The following MAD1L1 variants were observed in gnomAD, a reference collection of about 807,000 sequenced individuals.
The protein encoded by MAD1L1 is mitotic spindle assembly checkpoint protein MAD1.
MAD1L1 carries 95 observed loss-of-function variants against 96.9 expected under a neutral mutation model. The ratio of observed to expected loss-of-function variants is 0.98; its 90% CI spans 0.83 to 1.16. The LOEUF (loss-of-function observed/expected upper bound fraction) is 1.16. MAD1L1 is among the 50% of genes most tolerant of loss of function. The pLI, the probability that MAD1L1 is intolerant of heterozygous loss-of-function variation, is 0.00. For missense variants in MAD1L1, 1,007 were observed against 954.4 expected, an observed-to-expected ratio of 1.06 and a Z score of -0.73; for synonymous variants, 473 against 396.6, an observed-to-expected ratio of 1.19 and a Z score of -2.29.
intron 10 of MAD1L1, chr7:2,175,077 G>C (rs1285345902): frequency 1.3e-5 from 2 of 152,218 alleles, no homozygotes; most frequent in African/African-American, 4.8e-5. Context: ...TCAATGCTGA[G>C]TGGGGACAAA....
At chr7:2,093,912 C>T (rs917530027) in intron 11 of MAD1L1, among the ~76,000 whole-genome samples, 21 of 152,172 alleles carry the variant, frequency 1.4e-4, no homozygotes, top group African/African-American at 4.3e-4. Context: ...GGTCGGCAGT[C>T]GGAACCCCCA....
chr7:2,033,688 G>A (rs900254480), intron 12 of MAD1L1, among the ~76,000 whole-genome samples: 1 of 152,240 alleles, frequency 6.6e-6, no homozygotes, highest in Non-Finnish European at 1.5e-5. Flanking sequence ...CAGCACGAGT[G>A]AGGCCATGAG....
chr7:1,994,300 C>CGT (rs1392362855), intron 14 of MAD1L1, among the ~76,000 whole-genome samples: 1 of 152,204 alleles, frequency 6.6e-6, no homozygotes, highest in East Asian at 1.9e-4. Context: ...GAGGGAAGAG[C>CGT]GTGTCTGCGA....
chr7:2,098,268 A>G (rs3778963), intron 11 of MAD1L1, among the ~76,000 whole-genome samples: 91,086 of 152,124 alleles, frequency 0.6, 27,907 homozygotes, highest in South Asian at 0.72. Context: ...CGCCAGTCAC[A>G]CACCAGGCCT....
At chr7:2,151,695 C>T (rs757214147) in intron 10 of MAD1L1, among the ~76,000 whole-genome samples, 4 of 152,254 alleles carry the variant, frequency 2.6e-5, no homozygotes, top group South Asian at 2.1e-4. Context: ...CCATGTTCTG[C>T]GATTCCCAGT....
At chr7:1,865,079 C>T (rs35572594) in intron 18 of MAD1L1, among the ~76,000 whole-genome samples, 1,631 of 152,290 alleles carry the variant, frequency 0.011, 29 homozygotes, top group African/African-American at 0.037. Context: ...GACACCCTTC[C>T]GGGAGCATCC....
chr7:1,920,296 C>T (rs1028296114), intron 17 of MAD1L1, among the ~76,000 whole-genome samples: 3 of 152,182 alleles, frequency 2.0e-5, no homozygotes, highest in African/African-American at 7.2e-5. Context: ...TTCTGTGTTT[C>T]GGCAGAACCC....
intron 18 of MAD1L1, among the ~76,000 whole-genome samples, chr7:1,817,976 GTGCCCTCCCCC>G (rs138811981): frequency 0.048 from 7,329 of 151,606 alleles, 299 homozygotes; most frequent in African/African-American, 0.089. Context: ...AGCCGTCCCC[GTGCCCTCCCCC>G]TGCCCTCCCC....
chr7:1,877,854 G>GT (rs1203672601), intron 18 of MAD1L1, among the ~76,000 whole-genome samples: 1 of 152,062 alleles, frequency 6.6e-6, no homozygotes, highest in Non-Finnish European at 1.5e-5. Context: ...TCTTAACTGC[G>GT]TATGTACCCC....
chr7:2,091,684 A>G lies in MAD1L1; in HGVS notation c.1074-22346T>C, dbSNP rs562608328. On this transcript the variant is annotated intron_variant, in intron 11 of 18. Coordinates refer to ENST00000265854, the MANE Select transcript of MAD1L1 (RefSeq NM_001013836.2). ...CCAGCTACTCTGGAGGCTGAGGCAGAAGAATGGCGTGAACCCAGGAGGCGG... is the reference window on the plus strand; with the variant it reads ...CCAGCTACTCTGGAGGCTGAGGCAGGAGAATGGCGTGAACCCAGGAGGCGG... Among the ~76,000 whole-genome samples the G allele has an allele frequency of 1.6e-4, 24 of 152,230 alleles. No homozygotes were observed. In the South Asian group the frequency reaches 4.6e-3, roughly 29 times the overall value.
At chr7:2,141,437 G>A (rs143299457) in intron 11 of MAD1L1, among the ~76,000 whole-genome samples, 160 of 152,288 alleles carry the variant, frequency 1.1e-3, no homozygotes, top group Non-Finnish European at 2.0e-3. Context: ...CCTCAGACAG[G>A]CCCCCAGACC....
At chr7:2,169,038 G>T (rs1166107398) in intron 10 of MAD1L1, among the ~76,000 whole-genome samples, 1 of 152,204 alleles carries the variant, frequency 6.6e-6, no homozygotes, top group African/African-American at 2.4e-5. Context: ...TGTGTACCCG[G>T]TGCTTGTCCT....
chr7:1,920,829 A>T (rs1224028131), intron 17 of MAD1L1, among the ~76,000 whole-genome samples: 1 of 152,272 alleles, frequency 6.6e-6, no homozygotes, highest in Non-Finnish European at 1.5e-5. Context: ...ATAACGATGC[A>T]CGAACACTGT....
intron 18 of MAD1L1, among the ~76,000 whole-genome samples, chr7:1,888,964 A>G (rs1342255794): frequency 6.6e-6 from 1 of 152,216 alleles, no homozygotes; most frequent in African/African-American, 2.4e-5. Context: ...TCCATGATGC[A>G]CTCACTGACC....
At chr7:2,157,296 G>A (rs920187025) in intron 10 of MAD1L1, among the ~76,000 whole-genome samples, 20 of 152,320 alleles carry the variant, frequency 1.3e-4, no homozygotes, top group African/African-American at 4.3e-4. Context: ...GCAGGTCACC[G>A]TGATCAGGAA....
intron 12 of MAD1L1, among the ~76,000 whole-genome samples, chr7:2,068,915 G>C (rs541059507): frequency 1.3e-5 from 2 of 152,328 alleles, no homozygotes; most frequent in African/African-American, 4.8e-5. Flanking sequence ...CAGTGACAGG[G>C]AACCCTCTCC....
chr7:2,064,200 C>T (rs1302473280), intron 12 of MAD1L1, among the ~76,000 whole-genome samples: 1 of 152,182 alleles, frequency 6.6e-6, no homozygotes, highest in African/African-American at 2.4e-5. Context: ...AGTGAATACA[C>T]AGGACACGAA....
intron 11 of MAD1L1, among the ~76,000 whole-genome samples, chr7:2,120,557 C>T (rs1247538116): frequency 2.0e-5 from 3 of 152,246 alleles, no homozygotes; most frequent in African/African-American, 7.2e-5. Context: ...TGCCTTCTGC[C>T]AGACTCCCCG....
chr7:1,916,491 A>G (rs150040338), intron 17 of MAD1L1, among the ~76,000 whole-genome samples: 3 of 152,270 alleles, frequency 2.0e-5, no homozygotes, highest in Admixed American at 1.3e-4. Context: ...TGGGCGGTAT[A>G]GAGAGAGGAG....
Sources: allele counts gnomAD v4.1 joint callset (sites outside exome capture counted in the v4.1 genomes callset), GRCh38; gene constraint gnomAD v4.1.1; transcripts MANE v1.5; gene names NCBI Gene and HGNC (gene_info 2026-07-23, HGNC 2026-07-21).